The following UBAP1 variants were observed in gnomAD, a reference collection of about 807,000 sequenced individuals.
UBAP1 encodes the protein ubiquitin-associated protein 1.
In UBAP1, 5 loss-of-function variants were observed where a neutral mutation model predicts 39.0. That is an observed-to-expected ratio of 0.13 (90% confidence interval 0.07 to 0.27). The LOEUF (loss-of-function observed/expected upper bound fraction) is 0.27. Ranked by LOEUF, UBAP1 falls within the 10% of genes least tolerant of loss-of-function variation. The pLI, the probability that UBAP1 is intolerant of heterozygous loss-of-function variation, is 1.00. For synonymous variants in UBAP1, 211 were observed against 225.1 expected (o/e 0.94, Z 0.56); for missense variants, 490 against 608.1 (o/e 0.81, Z 2.04).
intron 1 of UBAP1, among the ~76,000 whole-genome samples, chr9:34,181,561 T>G (rs1830035383): frequency 2.7e-5 from 4 of 150,592 alleles, no homozygotes; most frequent in Non-Finnish European, 5.9e-5. Flanking sequence ...GCCTCCTGAG[T>G]AGCTGGGACT....
At chr9:34,192,207 G>A (rs979990184) in intron 1 of UBAP1, among the ~76,000 whole-genome samples, 4 of 151,558 alleles carry the variant, frequency 2.6e-5, no homozygotes, top group African/African-American at 9.7e-5. Context: ...CAGAACTGTG[G>A]ACAGTGAGTT....
chr9:34,179,047 A>T lies in UBAP1; in HGVS notation c.-201A>T. 7.9e-7 allele frequency: 1 copy of T among 1,267,256 alleles called. No individual in the cohort carries two copies. Among genetic ancestry groups the T allele is most frequent in the Non-Finnish European group, 1.0e-6 (1 of 1,004,120 alleles). 78.5% of individuals were successfully genotyped at this position (1,267,256 alleles called of 1,614,324 possible). On this transcript the variant is annotated 5_prime_UTR_variant, in exon 1 of 7. The change creates a new upstream start codon in the 5' untranslated region. Transcript: ENST00000297661. ...GGGCGGTGAGGGGAAGGAGGAGGGAAGTAGGACTTCAACATGGCGGCTGCG... is the reference window on the plus strand; with the variant it reads ...GGGCGGTGAGGGGAAGGAGGAGGGATGTAGGACTTCAACATGGCGGCTGCG...
chr9:34,221,525 A>G (rs911051359), intron 2 of UBAP1, among the ~76,000 whole-genome samples: 6 of 134,996 alleles, frequency 4.4e-5, no homozygotes, highest in Middle Eastern at 3.8e-3. Context: ...GCGAGACTCC[A>G]TTAAAAAAAA....
At chr9:34,182,645 TTC>T (rs1229655123) in intron 1 of UBAP1, among the ~76,000 whole-genome samples, 13 of 60,856 alleles carry the variant, frequency 2.1e-4, no homozygotes, top group Admixed American at 2.0e-3. Flanking sequence ...CTTTCTTTCT[TTC>T]TTTCTTTCTT....
At chr9:34,234,998 A>G (rs992498813) in intron 3 of UBAP1, among the ~76,000 whole-genome samples, 1 of 152,212 alleles carries the variant, frequency 6.6e-6, no homozygotes, top group African/African-American at 2.4e-5. Flanking sequence ...CAGTGAAACA[A>G]GATGGGAAGG....
At chr9:34,214,251 C>T (rs1213944646) in intron 1 of UBAP1, among the ~76,000 whole-genome samples, 2 of 152,128 alleles carry the variant, frequency 1.3e-5, no homozygotes, top group East Asian at 3.8e-4. Flanking sequence ...GGAGGCATCA[C>T]ACTACCTGAT....
chr9:34,250,743 A>G lies in UBAP1; in HGVS notation c.1352A>G (p.Gln451Arg), dbSNP rs1250091228. 2 of 1,613,354 alleles carry G rather than the reference A, an allele frequency of 1.2e-6. No individual in the cohort carries two copies. The highest frequency in any genetic ancestry group is 2.2e-5 in the East Asian group (1 of 44,842). ...LLVEEALEMHQCSEEKMMEFL... is the reference protein window; with the variant it reads ...LLVEEALEMHRCSEEKMMEFL... Reference sequence around the variant, plus strand: ...GTGGAAGAGGCTCTGGAAATGCACCAGTGTTCAGAAGAAAAGGTGGGAATC... The same window carrying G: ...GTGGAAGAGGCTCTGGAAATGCACCGGTGTTCAGAAGAAAAGGTGGGAATC... The change falls in exon 6 of 7, where the codon CAG (glutamine) becomes CGG (arginine). Residue 451 changes from glutamine (Q) to arginine (R), a missense_variant. Coordinates refer to ENST00000297661, the MANE Select transcript of UBAP1 (RefSeq NM_016525.5).
intron 1 of UBAP1, among the ~76,000 whole-genome samples, chr9:34,212,392 AACACACACACACAC>A (rs35251034): frequency 7.0e-6 from 1 of 142,168 alleles, no homozygotes; most frequent in Non-Finnish European, 1.5e-5. Context: ...TTTCTATTAA[AACACACACACACAC>A]ACACACACAC....
intron 1 of UBAP1, among the ~76,000 whole-genome samples, chr9:34,198,416 T>G (rs1831182538): frequency 6.6e-6 from 1 of 152,116 alleles, no homozygotes; most frequent in Non-Finnish European, 1.5e-5. Context: ...GCAGGCAGGT[T>G]GCCTGGTTGG....
At chr9:34,184,488 G>A (rs1352651160) in intron 1 of UBAP1, among the ~76,000 whole-genome samples, 4 of 151,224 alleles carry the variant, frequency 2.6e-5, no homozygotes, top group African/African-American at 7.3e-5. Context: ...AAAATTAGCC[G>A]GGCCTGGTGG....
chr9:34,219,074 CT>C (rs1481409435), intron 1 of UBAP1, among the ~76,000 whole-genome samples: 1 of 152,012 alleles, frequency 6.6e-6, no homozygotes, highest in Admixed American at 6.6e-5. Context: ...CTACACCATG[CT>C]GAAAAATGGA....
chr9:34,242,186 A>AT (rs1215110639), intron 4 of UBAP1, 78 bp downstream of exon 4: 20 of 1,429,268 alleles, frequency 1.4e-5, no homozygotes, highest in Admixed American at 2.2e-5. Flanking sequence ...TGTTTGGTTG[A>AT]TTTTTTTCGA....
chr9:34,188,306 G>A (rs1443117735), intron 1 of UBAP1, among the ~76,000 whole-genome samples: 2 of 151,674 alleles, frequency 1.3e-5, no homozygotes, highest in Admixed American at 1.3e-4. Flanking sequence ...AGTTTATAGT[G>A]TCCTTCATGA....
At chr9:34,246,259 C>G (rs1415569167) in intron 4 of UBAP1, among the ~76,000 whole-genome samples, 1 of 151,982 alleles carries the variant, frequency 6.6e-6, no homozygotes, top group Non-Finnish European at 1.5e-5. Flanking sequence ...AGAGATGAGT[C>G]TCAACTATGT....
rs772632397 is a variant in UBAP1 at position 34,190,713 on chromosome 9, T to C, written c.-8+11473T>C. On this transcript the variant is annotated intron_variant, in intron 1 of 6. Coordinates refer to ENST00000297661, the MANE Select transcript of UBAP1 (RefSeq NM_016525.5). ...CAGTGATGCAGTCACAGCTCACTGCTGCAGCCTTGACTTCCTGGGTTCAGG... is the reference window on the plus strand; with the variant it reads ...CAGTGATGCAGTCACAGCTCACTGCCGCAGCCTTGACTTCCTGGGTTCAGG... 6.7e-5 allele frequency among the ~76,000 whole-genome samples: 10 copies of C among 149,188 alleles called. No individual in the cohort carries two copies. In the Middle Eastern group the frequency reaches 0.014, roughly 204 times the overall value.
intron 1 of UBAP1, among the ~76,000 whole-genome samples, chr9:34,210,588 G>T (rs2131553931): frequency 6.7e-6 from 1 of 150,100 alleles, no homozygotes; most frequent in East Asian, 2.0e-4. Flanking sequence ...GCATGGTGGT[G>T]TGTGCCTGTA....
chr9:34,243,496 T>C (rs1413118124), intron 4 of UBAP1, among the ~76,000 whole-genome samples: 4 of 151,922 alleles, frequency 2.6e-5, no homozygotes, highest in African/African-American at 7.2e-5. Context: ...TTTCTTTTTT[T>C]TTTTTTTGAG....
chr9:34,185,385 G>A (rs542287137), intron 1 of UBAP1, among the ~76,000 whole-genome samples: 137 of 152,236 alleles, frequency 9.0e-4, no homozygotes, highest in African/African-American at 3.0e-3. Flanking sequence ...TGTCTCTACA[G>A]AAGTCACAGA....
chr9:34,240,451 C>G (rs1022396397), intron 3 of UBAP1, among the ~76,000 whole-genome samples: 1 of 152,064 alleles, frequency 6.6e-6, no homozygotes. Context: ...GGGTGAAAGC[C>G]AAAGATTTTG....
Sources: gnomAD v4.1 joint callset for allele counts (sites outside exome capture counted in the v4.1 genomes callset) on GRCh38, gnomAD v4.1.1 for gene constraint, MANE v1.5 for transcripts, NCBI Gene and HGNC (gene_info 2026-07-23, HGNC 2026-07-21) for gene names.